Variants in DFFB observed in about 807,000 individuals in gnomAD.
DFFB encodes DNA fragmentation factor 40 kDa subunit.
A neutral mutation model predicts 32.7 loss-of-function variants in DFFB; 29 were observed. The observed-to-expected ratio is 0.89, with a 90% CI of 0.66 to 1.21. DFFB has a LOEUF of 1.21. Among genes scored for constraint, DFFB ranks in the 50% most tolerant of loss-of-function variants. DFFB has a pLI of 0.00. For synonymous variants in DFFB, 170 were observed against 177.1 expected (o/e 0.96, Z 0.32); for missense variants, 398 against 440.6 (o/e 0.90, Z 0.87).
At position 3,875,609 on chromosome 1, in the gene DFFB, C is replaced by A. The variant is rs769475872; in HGVS notation, c.782+3037C>A. Among the ~76,000 whole-genome samples, 3 of 152,190 alleles carry A rather than the reference C, an allele frequency of 2.0e-5. No homozygotes were observed. The South Asian group carries it at 6.2e-4, about 32-fold the overall frequency. On this transcript the variant is annotated intron_variant, in intron 6 of 6. Coordinates refer to ENST00000378209, the MANE Select transcript of DFFB (RefSeq NM_004402.4). ...ACACAGATTCTCTTTCTCTAATTTTCATTTTCCTGATGACTAGGAAGGTTG... is the reference window on the plus strand; with the variant it reads ...ACACAGATTCTCTTTCTCTAATTTTAATTTTCCTGATGACTAGGAAGGTTG...
chr1:3,877,848 C>A (rs1645256114), intron 6 of DFFB, among the ~76,000 whole-genome samples: 1 of 111,202 alleles, frequency 9.0e-6, no homozygotes, highest in Admixed American at 9.5e-5. Context: ...GCTTTCTATT[C>A]TGTGCCGGCT....
intron 2 of DFFB, among the ~76,000 whole-genome samples, chr1:3,863,590 C>T (rs1644918707): frequency 1.3e-5 from 2 of 152,106 alleles, no homozygotes; most frequent in Non-Finnish European, 2.9e-5. Flanking sequence ...TCATAATAGC[C>T]AAAAGGTAGA....
intron 6 of DFFB, among the ~76,000 whole-genome samples, chr1:3,877,596 C>G (rs1288828920): frequency 6.6e-6 from 1 of 152,170 alleles, no homozygotes; most frequent in Non-Finnish European, 1.5e-5. Flanking sequence ...TCCCAAAGTG[C>G]TGGGATCACA....
chr1:3,875,501 C>T lies in DFFB; in HGVS notation c.782+2929C>T, dbSNP rs1016479360. 6.6e-5 allele frequency among the ~76,000 whole-genome samples: 10 copies of T among 152,188 alleles called. No homozygotes were observed. In the South Asian group the frequency reaches 8.3e-4, roughly 13 times the overall value. ...TGTCCCAGCCTACACACTCGCCATC[C>T]GTGTGAGTTCATGCTTTCCCGGGTT... On this transcript the variant is annotated intron_variant, in intron 6 of 6. Coordinates refer to ENST00000378209, the MANE Select transcript of DFFB (RefSeq NM_004402.4).
chr1:3,882,417 G>T (rs957534659), intron 6 of DFFB, among the ~76,000 whole-genome samples: 4 of 151,802 alleles, frequency 2.6e-5, no homozygotes, highest in African/African-American at 9.7e-5. Flanking sequence ...CCAGGCTGGA[G>T]TGCGGTGGCA....
At chr1:3,872,451 T>A in intron 5 of DFFB, 21 bp from the exon 6 acceptor site, 3 of 1,567,552 alleles carry the variant, frequency 1.9e-6, no homozygotes, top group African/African-American at 2.7e-5. Flanking sequence ...TGGCCTTCCC[T>A]CATTGTCTTT....
chr1:3,868,678 C>CACCAT (rs1557716277), intron 4 of DFFB, among the ~76,000 whole-genome samples: 7 of 11,654 alleles, frequency 6.0e-4, no homozygotes, highest in African/African-American at 7.7e-4. Context: ...CACCACACCA[C>CACCAT]GCCACACCAC....
chr1:3,874,769 C>A (rs1394399276), intron 6 of DFFB, among the ~76,000 whole-genome samples: 1 of 149,442 alleles, frequency 6.7e-6, no homozygotes, highest in Non-Finnish European at 1.5e-5. Flanking sequence ...CTTTACCACA[C>A]GCATGTGAAT....
At chr1:3,858,923 C>T in intron 2 of DFFB, 79 bp downstream of exon 2, 2 of 1,575,752 alleles carry the variant, frequency 1.3e-6, no homozygotes, top group Non-Finnish European at 1.7e-6. Context: ...AGGTGCCCAT[C>T]AGGGTGGGGA....
Position 3,869,634 on chromosome 1 carries a change from G to A in DFFB, c.540G>A (p.Ala180=), listed in dbSNP as rs747712930. 27 of 1,613,194 alleles carry A rather than the reference G, an allele frequency of 1.7e-5. No homozygotes were observed. Among genetic ancestry groups the A allele is most frequent in the South Asian group, 5.5e-5 (5 of 91,070 alleles). ...EVSSYPSTVG[A]EAQEEFLRVL... is the part of the protein sequence containing the mutation. ...GCTCCTACCCCTCCACGGTGGGTGC[G>A]GAGGCTCAGGAGGAATTCCTGCGGG... is the stretch of plus-strand genomic sequence containing the variant. Residue 180 remains alanine, a synonymous_variant, in exon 5 of 7, where the codon GCG becomes GCA. Transcript: ENST00000378209.
At chr1:3,868,207 C>T (rs1251634020) in intron 4 of DFFB, among the ~76,000 whole-genome samples, 154 bp downstream of exon 4, 5 of 152,158 alleles carry the variant, frequency 3.3e-5, no homozygotes, top group African/African-American at 7.2e-5. Flanking sequence ...GGGAAGCTAG[C>T]GCACGGACCC....
In DFFB at chr1:3,869,793, T is replaced by A. The variant is rs1645074924; in HGVS notation, c.681+18T>A. The A allele has an allele frequency of 6.3e-7, 1 of 1,577,654 alleles. No homozygotes were observed. Among genetic ancestry groups the A allele is most frequent in the African/African-American group, 1.4e-5 (1 of 73,828 alleles). Reference sequence around the variant, plus strand: ...CCTGCCAGGTGAGCTGTGTGCCCTTTATCCTGGGGCCACCCGGCTGGCCTG... The same window carrying A: ...CCTGCCAGGTGAGCTGTGTGCCCTTAATCCTGGGGCCACCCGGCTGGCCTG... On this transcript the variant is annotated intron_variant, in intron 5 of 6. Coordinates refer to ENST00000378209, the MANE Select transcript of DFFB (RefSeq NM_004402.4).
chr1:3,867,936 G>T (rs1373499836), intron 3 of DFFB, 38 bp from the exon 4 acceptor site: 2 of 1,606,586 alleles, frequency 1.2e-6, no homozygotes, highest in Non-Finnish European at 8.5e-7. Flanking sequence ...CCCCTGGCCT[G>T]CCCTGTGGAC....
At position 3,883,578 on chromosome 1, in the gene DFFB, A is replaced by G; in HGVS notation, c.854A>G (p.Asp285Gly). 6.2e-7 allele frequency: 1 copy of G among 1,614,246 alleles called. No individual in the cohort carries two copies. The highest frequency in any genetic ancestry group is 8.5e-7 in the Non-Finnish European group (1 of 1,180,042). Residue 285 changes from aspartate to glycine, a missense_variant, in exon 7 of 7, where the codon GAC (aspartate) becomes GGC (glycine). Transcript: ENST00000378209. ...AIKEQDGREV[D>G]WEYFYGLLFT... The stretch of plus-strand genomic sequence containing the variant: ...AAGGAACAAGATGGAAGAGAAGTGG[A>G]CTGGGAGTATTTTTATGGCCTGCTT...
intron 6 of DFFB, among the ~76,000 whole-genome samples, chr1:3,876,001 ACT>A (rs1283640560): frequency 6.6e-6 from 1 of 152,012 alleles, no homozygotes; most frequent in Non-Finnish European, 1.5e-5. Flanking sequence ...CTGGTCTCAA[ACT>A]CTGACCTCAG....
At chr1:3,878,299 C>G (rs1474245238) in intron 6 of DFFB, among the ~76,000 whole-genome samples, 2 of 152,054 alleles carry the variant, frequency 1.3e-5, no homozygotes, top group African/African-American at 2.4e-5. Flanking sequence ...TTACAGGCAC[C>G]TGCCACCATG....
intron 6 of DFFB, among the ~76,000 whole-genome samples, chr1:3,880,674 G>GCC (rs1645318420): frequency 6.6e-6 from 1 of 152,076 alleles, no homozygotes; most frequent in Non-Finnish European, 1.5e-5. Flanking sequence ...GTGTCACGGT[G>GCC]CCTTCAGTGT....
At chr1:3,864,218 G>A (rs1644931606) in intron 2 of DFFB, among the ~76,000 whole-genome samples, 1 of 152,174 alleles carries the variant, frequency 6.6e-6, no homozygotes, top group Non-Finnish European at 1.5e-5. Flanking sequence ...GCCTGCCTCG[G>A]CCTCCGAAAG....
intron 6 of DFFB, 113 bp from the exon 7 acceptor site, chr1:3,883,394 C>T (rs1034557290): frequency 2.1e-5 from 21 of 988,544 alleles, no homozygotes; most frequent in African/African-American, 8.1e-5. Context: ...GCCGTGTGTC[C>T]GTGATAGCAC....
Sources: allele counts gnomAD v4.1 joint callset (sites outside exome capture counted in the v4.1 genomes callset), GRCh38; gene constraint gnomAD v4.1.1; transcripts MANE v1.5; gene names NCBI Gene and HGNC (gene_info 2026-07-23, HGNC 2026-07-21).